SYT6: variants seen among roughly 807,000 people sequenced by gnomAD.
SYT6 encodes synaptotagmin-6.
SYT6 carries 24 observed loss-of-function variants against 38.4 expected under a neutral mutation model. That is an observed-to-expected ratio of 0.62 (90% CI 0.45 to 0.88). The LOEUF (loss-of-function observed/expected upper bound fraction) is 0.88, where lower values mean the gene tolerates loss of function less well. SYT6 is among the 40% of genes least tolerant of loss of function. The pLI is 0.00. For synonymous variants in SYT6, 265 were observed against 241.9 expected (o/e 1.10, Z -0.89); for missense variants, 611 against 621.0 (o/e 0.98, Z 0.17).
At chr1:114,135,801 C>T (rs1678444468) in intron 3 of SYT6, among the ~76,000 whole-genome samples, 1 of 152,174 alleles carries the variant, frequency 6.6e-6, no homozygotes. Flanking sequence ...AGCCCCTGGC[C>T]CTCACCCCTC....
chr1:114,115,722 C>T (rs1436678318), intron 3 of SYT6, among the ~76,000 whole-genome samples: 1 of 152,102 alleles, frequency 6.6e-6, no homozygotes, highest in Non-Finnish European at 1.5e-5. Context: ...GCTCTTAACA[C>T]ATATTACGTT....
At chr1:114,092,193 G>T in intron 7 of SYT6, 111 bp from the exon 8 acceptor site, 1 of 1,067,996 alleles carries the variant, frequency 9.4e-7, no homozygotes, top group Non-Finnish European at 1.3e-6. Context: ...CTTCTCATAA[G>T]CTTTCTTGAA....
chr1:114,120,249 T>C (rs1450101181), intron 3 of SYT6, among the ~76,000 whole-genome samples: 1 of 152,188 alleles, frequency 6.6e-6, no homozygotes, highest in Non-Finnish European at 1.5e-5. Flanking sequence ...GTGTTCACTG[T>C]GTGATGCCCT....
At chr1:114,113,123 A>G (rs746553799) in intron 3 of SYT6, among the ~76,000 whole-genome samples, 1 of 152,022 alleles carries the variant, frequency 6.6e-6, no homozygotes, top group Non-Finnish European at 1.5e-5. Flanking sequence ...GAAGATTAAG[A>G]TCTTTCCCCA....
rs1454752605 is a variant in SYT6, at chr1:114,153,605, G to A, written c.163+5C>T. Reference sequence around the variant, plus strand: ...GAAGGGAGGGGGCCCTGGGTCTCCCGTTACCTGCGCCTGCCGCGCTGGGAC... The same window carrying A: ...GAAGGGAGGGGGCCCTGGGTCTCCCATTACCTGCGCCTGCCGCGCTGGGAC... On this transcript the variant is annotated splice_donor_5th_base_variant and intron_variant, in intron 1 of 7. Transcript: ENST00000610222. The A allele has an allele frequency of 1.5e-5, 9 of 596,678 alleles. No homozygotes were observed. The highest frequency in any genetic ancestry group is 2.7e-5 in the Non-Finnish European group (9 of 333,274). 37.0% of individuals were successfully genotyped at this position (596,678 alleles called of 1,614,324 possible).
At chr1:114,103,765 C>A in intron 3 of SYT6, 44 bp from the exon 4 acceptor site, 1 of 1,593,032 alleles carries the variant, frequency 6.3e-7, no homozygotes, top group Non-Finnish European at 8.6e-7. Flanking sequence ...GCTTGCAGAC[C>A]ATGGGCCTCA....
intron 7 of SYT6, among the ~76,000 whole-genome samples, chr1:114,093,198 G>T (rs1352723832): frequency 2.0e-5 from 3 of 152,190 alleles, no homozygotes; most frequent in Non-Finnish European, 4.4e-5. Context: ...ATTCCTAGAA[G>T]GGCCGAGCCA....
At chr1:114,116,009 G>T (rs1676972838) in intron 3 of SYT6, among the ~76,000 whole-genome samples, 1 of 152,070 alleles carries the variant, frequency 6.6e-6, no homozygotes, top group Admixed American at 6.5e-5. Context: ...GAAATTTCTT[G>T]GTGTTCTGGA....
chr1:114,092,501 T>C (rs1431384980), intron 7 of SYT6, among the ~76,000 whole-genome samples: 1 of 152,194 alleles, frequency 6.6e-6, no homozygotes, highest in Non-Finnish European at 1.5e-5. Context: ...TGGTCATGCA[T>C]TATTAGCAAT....
At chr1:114,108,657 A>T (rs1319830739) in intron 3 of SYT6, among the ~76,000 whole-genome samples, 1 of 152,202 alleles carries the variant, frequency 6.6e-6, no homozygotes, top group African/African-American at 2.4e-5. Flanking sequence ...TGCCTCAGGG[A>T]ATCTAGCAAT....
At chr1:114,148,175 C>A (rs6672106) in intron 1 of SYT6, among the ~76,000 whole-genome samples, 1 of 152,174 alleles carries the variant, frequency 6.6e-6, no homozygotes, top group African/African-American at 2.4e-5. Context: ...TATCTTCCCC[C>A]ACTGACACTT....
intron 3 of SYT6, among the ~76,000 whole-genome samples, chr1:114,109,335 C>T (rs904392546): frequency 1.3e-5 from 2 of 152,194 alleles, no homozygotes; most frequent in Non-Finnish European, 2.9e-5. Flanking sequence ...ATGTGTAGCC[C>T]AGTGCCTGAT....
In SYT6 at chr1:114,090,649, T is replaced by C. The variant is rs937969945; in HGVS notation, c.*1485A>G. 1 of 152,370 alleles carries C rather than the reference T, an allele frequency of 6.6e-6. No individual in the cohort carries two copies. Among genetic ancestry groups the C allele is most frequent in the African/African-American group, 2.4e-5 (1 of 41,454 alleles). 9.4% of individuals were successfully genotyped at this position (152,370 alleles called of 1,614,324 possible). Reference sequence around the variant, plus strand: ...GGGGTTCTTCAGCAGACTTGCCTCTTGCAAGTAGTACACACAGCTCAGGAA... The same window carrying C: ...GGGGTTCTTCAGCAGACTTGCCTCTCGCAAGTAGTACACACAGCTCAGGAA... On this transcript the variant is annotated 3_prime_UTR_variant, in exon 8 of 8. Transcript: ENST00000610222.
intron 1 of SYT6, among the ~76,000 whole-genome samples, chr1:114,142,498 A>G (rs1014238939): frequency 3.9e-4 from 60 of 152,348 alleles, no homozygotes; most frequent in African/African-American, 1.4e-3. Flanking sequence ...TGCTGTGAAC[A>G]TTGCTGAAAT....
At position 114,152,052 on chromosome 1, in the gene SYT6, G is replaced by C. The variant is rs572016677; in HGVS notation, c.163+1558C>G. Among the ~76,000 whole-genome samples the C allele has an allele frequency of 2.0e-5, 3 of 152,222 alleles. No individual in the cohort carries two copies. In the East Asian group the frequency reaches 5.8e-4, roughly 29 times the overall value. On this transcript the variant is annotated intron_variant, in intron 1 of 7. Transcript: ENST00000610222. ...CTCAGGTGGGCTCCGCTCACCCCAA[G>C]GCTGGATACAGCCCCCTCACACACA...
chr1:114,127,582 T>C (rs1384441063), intron 3 of SYT6, among the ~76,000 whole-genome samples: 2 of 152,198 alleles, frequency 1.3e-5, no homozygotes. Flanking sequence ...CTAGTCACTA[T>C]AGGACATGAG....
At chr1:114,103,165 A>G (rs902682474) in intron 4 of SYT6, among the ~76,000 whole-genome samples, 3 of 152,232 alleles carry the variant, frequency 2.0e-5, no homozygotes, top group African/African-American at 7.2e-5. Flanking sequence ...GCCTGCATAG[A>G]CCGGCAAACA....
intron 5 of SYT6, among the ~76,000 whole-genome samples, 162 bp from the exon 6 acceptor site, chr1:114,098,039 AG>A (rs1675747569): frequency 6.6e-6 from 1 of 152,214 alleles, no homozygotes; most frequent in South Asian, 2.1e-4. Context: ...GTGGCGGTGA[AG>A]CCTTTGCCTA....
intron 3 of SYT6, among the ~76,000 whole-genome samples, chr1:114,116,865 C>T (rs1677028316): frequency 6.6e-6 from 1 of 152,222 alleles, no homozygotes; most frequent in African/African-American, 2.4e-5. Flanking sequence ...ACTATTACAT[C>T]ATAATTTAGA....
Sources: allele counts gnomAD v4.1 joint callset (sites outside exome capture counted in the v4.1 genomes callset), GRCh38; gene constraint gnomAD v4.1.1; transcripts MANE v1.5; gene names NCBI Gene and HGNC (gene_info 2026-07-23, HGNC 2026-07-21).